MAST2: variants seen among roughly 807,000 people sequenced by gnomAD.
MAST2 encodes the protein microtubule-associated serine/threonine-protein kinase 2.
Under a neutral mutation model 147.4 loss-of-function variants are expected in MAST2, and 70 were observed. The observed-to-expected ratio is 0.47, with a 90% CI of 0.39 to 0.58. MAST2 has a LOEUF of 0.58. Ranked by LOEUF, MAST2 falls within the 20% of genes least tolerant of loss-of-function variation. MAST2 has a pLI of 0.00. For missense variants in MAST2, 2,080 were observed against 2,302.3 expected, an observed-to-expected ratio of 0.90 and a Z score of 1.98; for synonymous variants, 869 against 896.8, an observed-to-expected ratio of 0.97 and a Z score of 0.55.
intron 3 of MAST2, among the ~76,000 whole-genome samples, chr1:45,832,723 T>G (rs1023951199): frequency 6.6e-6 from 1 of 151,976 alleles, no homozygotes; most frequent in Non-Finnish European, 1.5e-5. Context: ...CTGAGGTTAC[T>G]GGAACCTAGG....
In MAST2 at chr1:46,031,600, G is replaced by A. The variant is rs561122311; in HGVS notation, c.3187+15G>A. The stretch of plus-strand genomic sequence containing the variant: ...CATTCCTTCGGGTGAGGCCCCTGGG[G>A]AGCTGGGATAAAACTCACAGGAAGG... On this transcript the variant is annotated intron_variant, in intron 24 of 28. Transcript: ENST00000361297. The surrounding 1 kb of genome is among the most constrained non-coding windows in gnomAD (Gnocchi z 4.1). 1 of 1,603,708 alleles carries A rather than the reference G, an allele frequency of 6.2e-7. No homozygotes were observed. The highest frequency in any genetic ancestry group is 1.7e-5 in the Admixed American group (1 of 59,588).
intron 4 of MAST2, among the ~76,000 whole-genome samples, chr1:45,945,028 G>A (rs1386897786): frequency 6.6e-6 from 1 of 152,162 alleles, no homozygotes; most frequent in Admixed American, 6.5e-5. Flanking sequence ...GGTGGCTCCT[G>A]CCACAAGCCT....
chr1:45,818,152 A>G (rs891036240), intron 1 of MAST2, among the ~76,000 whole-genome samples: 2 of 152,148 alleles, frequency 1.3e-5, no homozygotes, highest in Non-Finnish European at 2.9e-5. Flanking sequence ...GTTGTTGTGG[A>G]GAATTGGGTC....
intron 5 of MAST2, among the ~76,000 whole-genome samples, chr1:45,973,861 G>T (rs1246013252): frequency 1.3e-5 from 2 of 152,206 alleles, no homozygotes; most frequent in Non-Finnish European, 2.9e-5. Flanking sequence ...TGTAATGTCA[G>T]TGTTGACATT....
At chr1:45,944,521 A>C (rs1340168596) in intron 4 of MAST2, among the ~76,000 whole-genome samples, 4 of 152,074 alleles carry the variant, frequency 2.6e-5, no homozygotes, top group African/African-American at 9.7e-5. Context: ...TAATGGTCTC[A>C]CTTTTGCATT....
At chr1:45,884,988 G>A (rs1441075133) in intron 4 of MAST2, among the ~76,000 whole-genome samples, 1 of 152,138 alleles carries the variant, frequency 6.6e-6, no homozygotes, top group East Asian at 1.9e-4. Context: ...AGGAGGCAAA[G>A]TACTGCTTAG....
Position 45,959,446 on chromosome 1 carries a change from A to G in MAST2, c.561A>G (p.Pro187=). The G allele has an allele frequency of 6.2e-7, 1 of 1,613,746 alleles. No individual in the cohort carries two copies. Among genetic ancestry groups the G allele is most frequent in the South Asian group, 1.1e-5 (1 of 91,064 alleles). ...CCTCTAGCACATCACCTACACTACC[A>G]CGGCCACACTCACCACTCCATGGCC... The part of the protein sequence containing the change: ...IVTSSTSPTL[P]RPHSPLHGHT... The change falls in exon 5 of 29, where the codon CCA becomes CCG. Residue 187 remains proline, a synonymous_variant. Coordinates refer to ENST00000361297, the MANE Select transcript of MAST2 (RefSeq NM_015112.3).
chr1:45,976,475 T>A (rs951104201), intron 5 of MAST2, among the ~76,000 whole-genome samples: 3 of 152,106 alleles, frequency 2.0e-5, no homozygotes, highest in Admixed American at 6.6e-5. Flanking sequence ...CACATGCCTG[T>A]AATCCCAGCT....
rs183642849 is a variant in MAST2 at position 45,917,527 on chromosome 1, C to T, written c.500+35132C>T. 3.8e-4 allele frequency: 520 copies of T among 1,366,406 alleles called. 2 individuals carry two copies. Among genetic ancestry groups the T allele is most frequent in the South Asian group, 9.5e-4 (84 of 88,018 alleles). The allele number at this position is 1,366,406 out of a possible 1,614,324, so 84.6% of individuals were successfully genotyped here. ...ACTCCTTGTTCCAGCCGCCCACTGCCGTGGAGGTAAGGAAACTTGCTGTGA... is the reference window on the plus strand; with the variant it reads ...ACTCCTTGTTCCAGCCGCCCACTGCTGTGGAGGTAAGGAAACTTGCTGTGA... On this transcript the variant is annotated intron_variant, in intron 4 of 28. Coordinates refer to ENST00000361297, the MANE Select transcript of MAST2 (RefSeq NM_015112.3).
At chr1:46,002,356 C>T (rs1645308584) in intron 6 of MAST2, among the ~76,000 whole-genome samples, 1 of 152,168 alleles carries the variant, frequency 6.6e-6, no homozygotes, top group Non-Finnish European at 1.5e-5. Flanking sequence ...GATGGTGGCC[C>T]ACTTCTTCCT....
chr1:45,847,169 T>C, intron 3 of MAST2: 1 of 518,054 alleles, frequency 1.9e-6, no homozygotes, highest in Non-Finnish European at 3.9e-6. Context: ...CAAAGTCCCA[T>C]TCCCTAAATG....
chr1:46,030,154 G>A lies in MAST2; in HGVS notation c.2469G>A (p.Met823Ile). Residue 823 changes from methionine (M) to isoleucine (I), a missense_variant, in exon 21 of 29, where the codon ATG becomes ATA. Around this residue, in one of 4 missense-constraint regions of MAST2, gnomAD observed 1,278 missense variants for 1,304.2 expected, o/e 0.98. Coordinates refer to ENST00000361297, the MANE Select transcript of MAST2 (RefSeq NM_015112.3). The stretch of plus-strand genomic sequence containing the variant: ...CCCGCTCAGAGCGATACCACCACAT[G>A]GACTCGGAGGATGAGGAAGAAGTGA... ...FDTRSERYHH[M>I]DSEDEEEVSE... 1 of 1,614,238 alleles carries A rather than the reference G, an allele frequency of 6.2e-7. No homozygotes were observed. The highest frequency in any genetic ancestry group is 8.5e-7 in the Non-Finnish European group (1 of 1,180,038).
intron 4 of MAST2, among the ~76,000 whole-genome samples, chr1:45,893,447 C>G (rs1333549859): frequency 6.6e-6 from 1 of 151,076 alleles, no homozygotes; most frequent in Non-Finnish European, 1.5e-5. Flanking sequence ...TGTAATGTTC[C>G]CTAGGCTGGT....
intron 3 of MAST2, among the ~76,000 whole-genome samples, chr1:45,863,535 T>C (rs1017177183): frequency 4.6e-5 from 7 of 152,228 alleles, no homozygotes; most frequent in African/African-American, 1.7e-4. Context: ...ATCCTGTTTT[T>C]TGTGCTATTT....
At chr1:45,912,437 T>G (rs1237635075) in intron 4 of MAST2, among the ~76,000 whole-genome samples, 1 of 152,256 alleles carries the variant, frequency 6.6e-6, no homozygotes, top group African/African-American at 2.4e-5. Context: ...CTATTTCATT[T>G]GTATATGTAC....
chr1:45,878,006 C>A lies in MAST2; in HGVS notation c.469-4358C>A, dbSNP rs149618579. On this transcript the variant is annotated intron_variant, in intron 3 of 28. Coordinates refer to ENST00000361297, the MANE Select transcript of MAST2 (RefSeq NM_015112.3). Reference sequence around the variant, plus strand: ...ATCACCTGAGGTCAGGAGTTTGAGACCAGCCTGGCTAACATGGTGAAACCC... The same window carrying A: ...ATCACCTGAGGTCAGGAGTTTGAGAACAGCCTGGCTAACATGGTGAAACCC... Among the ~76,000 whole-genome samples the A allele has an allele frequency of 6.6e-3, 1,005 of 152,160 alleles. 12 individuals are homozygous for A. The highest frequency in any genetic ancestry group is 0.023 in the African/African-American group (969 of 41,538).
At chr1:45,808,470 A>G (rs1321362970) in intron 1 of MAST2, among the ~76,000 whole-genome samples, 1 of 152,052 alleles carries the variant, frequency 6.6e-6, no homozygotes, top group Non-Finnish European at 1.5e-5. Flanking sequence ...TGGCCTCCCA[A>G]AGTATTAGGA....
At chr1:46,006,781 C>T (rs939134096) in intron 8 of MAST2, among the ~76,000 whole-genome samples, 3 of 152,152 alleles carry the variant, frequency 2.0e-5, no homozygotes, top group African/African-American at 7.2e-5. Flanking sequence ...TGGTCCCTCT[C>T]TTTTTCTGTT....
In MAST2 at chr1:46,031,570, C is replaced by A. The variant is rs1444480105; in HGVS notation, c.3172C>A (p.Leu1058Ile). ...IKSASATALS[L>I]LIPSEHHTCS... ...GTCCGCCTCAGCCACAGCCCTCTCA[C>A]TCCTCATTCCTTCGGGTGAGGCCCC... is the stretch of plus-strand genomic sequence containing the variant. The change falls in exon 24 of 29, where the codon CTC becomes ATC. Residue 1058 changes from leucine (L) to isoleucine (I), a missense_variant. Physicochemically the swap from Leu to Ile is conservative, Grantham distance 5. This residue lies in a region of MAST2 where 1,278 missense variants were observed against 1,304.2 expected (regional missense o/e 0.98). Coordinates refer to ENST00000361297, the MANE Select transcript of MAST2 (RefSeq NM_015112.3). The surrounding 1 kb of genome is among the most constrained non-coding windows in gnomAD (Gnocchi z 4.1). The A allele has an allele frequency of 1.2e-6, 2 of 1,612,236 alleles. No homozygotes were observed. Among genetic ancestry groups the A allele is most frequent in the East Asian group, 2.2e-5 (1 of 44,824 alleles).
Sources: gnomAD v4.1 joint callset for allele counts (sites outside exome capture counted in the v4.1 genomes callset) on GRCh38, gnomAD v4.1.1 for gene constraint, gnomAD v4.1.1 regional missense constraint, Gnocchi (gnomAD v3.1) non-coding constraint, MANE v1.5 for transcripts, NCBI Gene and HGNC (gene_info 2026-07-23, HGNC 2026-07-21) for gene names.